The following ZNF7 variants were observed in gnomAD, a reference collection of about 807,000 sequenced individuals.
The protein encoded by ZNF7 is C2-H2 type zinc finger protein.
In ZNF7, 10 loss-of-function variants were observed where a neutral mutation model predicts 12.0. The ratio of observed to expected loss-of-function variants is 0.83; its 90% CI spans 0.51 to 1.42. The LOEUF is 1.42. Among genes scored for constraint, ZNF7 ranks in the 40% most tolerant of loss-of-function variants. The pLI is 0.00. For synonymous variants in ZNF7, 334 were observed against 295.0 expected (o/e 1.13, Z -1.35); for missense variants, 854 against 837.2 (o/e 1.02, Z -0.25).
At chr8:144,829,146 G>T in intron 2 of ZNF7, 56 bp downstream of exon 2, 4 of 1,611,346 alleles carry the variant, frequency 2.5e-6, no homozygotes, top group South Asian at 2.2e-5. Context: ...CCCACCTCCT[G>T]CTCTGCCCAC....
rs1828168618 is a variant in ZNF7, at chr8:144,829,365, G to T, written c.4-113G>T. The T allele has an allele frequency of 3.2e-6, 5 of 1,565,194 alleles. No homozygotes were observed. In the African/African-American group the frequency reaches 6.8e-5, roughly 21 times the overall value. On this transcript the variant is annotated intron_variant, in intron 2 of 4. Coordinates refer to ENST00000532777, the MANE Select transcript of ZNF7 (RefSeq NM_003416.4). ...AGAATATTAGAGGCAGAGGAGTCCT[G>T]GTGAGCGTCTCGCCCAACCCCATGG...
intron 4 of ZNF7, among the ~76,000 whole-genome samples, chr8:144,839,470 C>T (rs188207971): frequency 3.3e-5 from 5 of 152,356 alleles, no homozygotes; most frequent in African/African-American, 1.2e-4. Context: ...TAAAATGTCT[C>T]CAACATGGAC....
chr8:144,832,314 T>C lies in ZNF7; in HGVS notation c.130+2710T>C, dbSNP rs1828534379. The stretch of plus-strand genomic sequence containing the variant: ...AGTGTACACCTGTAGTCCCAGCTAA[T>C]TGGGAGGCTGAGGCAGGAGAATTGC... On this transcript the variant is annotated intron_variant, in intron 3 of 4. Transcript: ENST00000532777. 2.0e-5 allele frequency among the ~76,000 whole-genome samples: 2 copies of C among 99,112 alleles called. 1 individual carries two copies. The highest frequency in any genetic ancestry group is 6.4e-4 in the South Asian group (2 of 3,138). The allele number at this position is 99,112 out of a possible 152,430, so 65.0% of individuals were successfully genotyped here. A position where few individuals can be genotyped will look rare whatever the true frequency, so the allele number is the denominator to read the frequency against.
rs952027703 is a variant in ZNF7, at chr8:144,829,776, C to CA, written c.130+173dup. On this transcript the variant is annotated intron_variant, in intron 3 of 4. Transcript: ENST00000532777. Reference sequence around the variant, plus strand: ...GGCTGGTTCCTAGCTTTGCCCATGTCATGGGGTTCAGCCCCCAGGGAGTGG... The same window carrying CA: ...GGCTGGTTCCTAGCTTTGCCCATGTCAATGGGGTTCAGCCCCCAGGGAGTGG... 1.5e-5 allele frequency: 12 copies of CA among 798,198 alleles called. No individual in the cohort carries two copies. The Admixed American group carries it at 3.4e-4, about 23-fold the overall frequency. The allele number at this position is 798,198 out of a possible 1,614,324, so 49.4% of individuals were successfully genotyped here.
At chr8:144,845,602 A>G (rs1279843478), downstream of ZNF7, among the ~76,000 whole-genome samples, 4 of 152,188 alleles carry the variant, frequency 2.6e-5, no homozygotes, top group Non-Finnish European at 4.4e-5. Context: ...TTTCTCACAC[A>G]GCATCTAATT....
chr8:144,842,980 A>G lies in ZNF7; in HGVS notation c.1873A>G (p.Lys625Glu), dbSNP rs765255445. 2.9e-5 allele frequency: 47 copies of G among 1,614,108 alleles called. No individual in the cohort carries two copies. Among genetic ancestry groups the G allele is most frequent in the Non-Finnish European group, 3.3e-5 (39 of 1,180,048 alleles). The change falls in exon 5 of 5, where the codon AAA (lysine) becomes GAA (glutamate). Residue 625 changes from lysine (K) to glutamate (E), a missense_variant. Coordinates refer to ENST00000532777, the MANE Select transcript of ZNF7 (RefSeq NM_003416.4). The part of the protein sequence containing the change: ...ALEGSTFVSR[K>E]KVNTIKKLHQ... ...GGAAGGGTCCACCTTTGTGAGCCGT[A>G]AAAAGGTTAATACTATAAAGAAACT...
At chr8:144,838,125 T>G (rs1166034516) in intron 4 of ZNF7, 1 of 702,876 alleles carries the variant, frequency 1.4e-6, no homozygotes, top group African/African-American at 1.7e-5. Context: ...TTTCTGGCAG[T>G]CCTTGGGTTC....
chr8:144,835,551 T>G (rs1184644986), intron 3 of ZNF7: 9 of 152,144 alleles, frequency 5.9e-5, no homozygotes, highest in Admixed American at 5.9e-4. Context: ...TTATTCTCTG[T>G]TTTTTGGCAG....
Position 144,841,370 on chromosome 8 carries a change from C to T in ZNF7, c.263C>T (p.Thr88Ile), listed in dbSNP as rs1435829088. 1.2e-6 allele frequency: 2 copies of T among 1,604,302 alleles called. No homozygotes were observed. Reference protein sequence around the residue: ...RTSKTDSTIRTENEQACEDMD... With the variant: ...RTSKTDSTIRIENEQACEDMD... ...TTTATTTCAGATTCTACGATTAGGA[C>T]TGAAAATGAGCAGGCCTGTGAGGAC... The change falls in exon 5 of 5, where the codon ACT becomes ATT. Residue 88 changes from threonine to isoleucine, a missense_variant. Thr to Ile is a moderately conservative substitution (Grantham distance 89, BLOSUM62 -1). Coordinates refer to ENST00000532777, the MANE Select transcript of ZNF7 (RefSeq NM_003416.4).
chr8:144,841,903 A>AATC lies in ZNF7; in HGVS notation c.798_800dup (p.Asn266_Gln267insHis). 2.5e-6 allele frequency: 4 copies of AATC among 1,614,124 alleles called. No homozygotes were observed. Among genetic ancestry groups the AATC allele is most frequent in the Non-Finnish European group, 3.4e-6 (4 of 1,180,014 alleles). ...AGTCTTCAGGCTCTGCTCGCAGCTT[A>AATC]ATCAGCATCAGAGAATCCACACGGG... On this transcript the variant is annotated inframe_insertion, in exon 5 of 5. Coordinates refer to ENST00000532777, the MANE Select transcript of ZNF7 (RefSeq NM_003416.4).
At chr8:144,831,876 A>G (rs1828498517) in intron 3 of ZNF7, among the ~76,000 whole-genome samples, 1 of 100,064 alleles carries the variant, frequency 1.0e-5, no homozygotes, top group African/African-American at 2.9e-5. Flanking sequence ...TCAGCCGGAC[A>G]TGGTGTTGCA....
chr8:144,844,210 T>C (rs1228445316), downstream of ZNF7, among the ~76,000 whole-genome samples: 3 of 152,134 alleles, frequency 2.0e-5, no homozygotes, highest in South Asian at 2.1e-4. Flanking sequence ...GAGGAAACAA[T>C]GTAGAGAAAC....
At position 144,839,011 on chromosome 8, in the gene ZNF7, C is replaced by T. The variant is rs145309816; in HGVS notation, c.247+1504C>T. Reference sequence around the variant, plus strand: ...ATTCATATGCGCCTAGGGGCTGTGACCTTACTTCCATTCATATGCGCCTAG... The same window carrying T: ...ATTCATATGCGCCTAGGGGCTGTGATCTTACTTCCATTCATATGCGCCTAG... On this transcript the variant is annotated intron_variant, in intron 4 of 4. Transcript: ENST00000532777. 4.2e-3 allele frequency among the ~76,000 whole-genome samples: 560 copies of T among 134,644 alleles called. 19 individuals carry two copies. The highest frequency in any genetic ancestry group is 0.019 in the African/African-American group (526 of 27,618). 88.3% of individuals were successfully genotyped at this position (134,644 alleles called of 152,430 possible).
chr8:144,842,119 G>A lies in ZNF7; in HGVS notation c.1012G>A (p.Glu338Lys). 2 of 1,614,180 alleles carry A rather than the reference G, an allele frequency of 1.2e-6. No individual in the cohort carries two copies. The highest frequency in any genetic ancestry group is 1.6e-4 in the Middle Eastern group (1 of 6,062). ...HTGERPYGCR[E>K]CGKAFSQQSQ... is the part of the protein sequence containing the mutation. Reference sequence around the variant, plus strand: ...AGGAGAGAGGCCCTATGGTTGTCGTGAGTGTGGGAAAGCCTTCAGCCAGCA... The same window carrying A: ...AGGAGAGAGGCCCTATGGTTGTCGTAAGTGTGGGAAAGCCTTCAGCCAGCA... The change falls in exon 5 of 5, where the codon GAG becomes AAG. Residue 338 changes from glutamate to lysine, a missense_variant. Transcript: ENST00000532777.
Position 144,829,746 on chromosome 8 carries a change from T to G in ZNF7, c.130+142T>G, listed in dbSNP as rs1563824215. On this transcript the variant is annotated intron_variant, in intron 3 of 4. Transcript: ENST00000532777. ...AGGGGGCTTGGACTCATGAGTGGTGTGCCAGGCTGGTTCCTAGCTTTGCCC... is the reference window on the plus strand; with the variant it reads ...AGGGGGCTTGGACTCATGAGTGGTGGGCCAGGCTGGTTCCTAGCTTTGCCC... 2.6e-6 allele frequency: 3 copies of G among 1,139,684 alleles called. No homozygotes were observed. The African/African-American group carries it at 4.6e-5, about 18-fold the overall frequency. 70.6% of individuals were successfully genotyped at this position (1,139,684 alleles called of 1,614,324 possible).
chr8:144,829,274 AG>A, intron 2 of ZNF7, 184 bp downstream of exon 2: 1 of 1,532,130 alleles, frequency 6.5e-7, no homozygotes. Flanking sequence ...GAGGCTCTTG[AG>A]GGGGGAGGGT....
Position 144,841,602 on chromosome 8 carries a change from G to A in ZNF7, c.495G>A (p.Lys165=). The A allele has an allele frequency of 2.5e-6, 4 of 1,614,188 alleles. No individual in the cohort carries two copies. The highest frequency in any genetic ancestry group is 3.4e-6 in the Non-Finnish European group (4 of 1,180,036). The change falls in exon 5 of 5, where the codon AAG becomes AAA. Residue 165 remains lysine (K), a synonymous_variant. Coordinates refer to ENST00000532777, the MANE Select transcript of ZNF7 (RefSeq NM_003416.4). ...CTGTGGTTCCCAAGACCTTCACCAA[G>A]GACGCACCCCAGGGATGTAAGGAGC... The part of the protein sequence containing the change: ...EETVVPKTFT[K]DAPQGCKELG...
chr8:144,842,253 G>A lies in ZNF7; in HGVS notation c.1146G>A (p.Arg382=). The change falls in exon 5 of 5, where the codon AGG becomes AGA. Residue 382 remains arginine (R), a synonymous_variant. Coordinates refer to ENST00000532777, the MANE Select transcript of ZNF7 (RefSeq NM_003416.4). ...GCTCCACCCTAGCCCAGCATCAAAG[G>A]ATGCATACTGGGGAGAAAGCTCAAA... ...SQSSTLAQHQ[R]MHTGEKAQIL... 3.1e-6 allele frequency: 5 copies of A among 1,613,978 alleles called. No individual in the cohort carries two copies. Among genetic ancestry groups the A allele is most frequent in the Non-Finnish European group, 4.2e-6 (5 of 1,180,016 alleles).
Position 144,837,514 on chromosome 8 carries a change from C to T in ZNF7, c.247+7C>T, listed in dbSNP as rs769692650. 5 of 1,590,484 alleles carry T rather than the reference C, an allele frequency of 3.1e-6. No individual in the cohort carries two copies. The South Asian group carries it at 5.5e-5, about 18-fold the overall frequency. On this transcript the variant is annotated splice_region_variant and intron_variant, in intron 4 of 4. Transcript: ENST00000532777. The stretch of plus-strand genomic sequence containing the variant: ...CCAAGGACCTCCAAGACAGGTGAGG[C>T]TTAGATCCCATCGCAGAGAAGCCCT...
Sources: allele counts gnomAD v4.1 joint callset (sites outside exome capture counted in the v4.1 genomes callset), GRCh38; gene constraint gnomAD v4.1.1; transcripts MANE v1.5; gene names NCBI Gene and HGNC (gene_info 2026-07-23, HGNC 2026-07-21).